The following EFCAB11 variants were observed in gnomAD, a reference collection of about 807,000 sequenced individuals.
The protein encoded by EFCAB11 is EF-hand calcium-binding domain-containing protein 11.
EFCAB11 carries 14 observed loss-of-function variants against 23.0 expected under a neutral mutation model. That is an observed-to-expected ratio of 0.61 (90% CI 0.40 to 0.95). EFCAB11 has a LOEUF of 0.95. Among genes scored for constraint, EFCAB11 ranks in the 40% least tolerant of loss-of-function variants. The pLI is 0.00. For missense variants in EFCAB11, 198 were observed against 195.8 expected, an observed-to-expected ratio of 1.01 and a Z score of -0.07; for synonymous variants, 65 against 66.6, an observed-to-expected ratio of 0.98 and a Z score of 0.11.
chr14:89,897,293 C>T (rs558141401), intron 5 of EFCAB11, among the ~76,000 whole-genome samples: 1 of 151,214 alleles, frequency 6.6e-6, no homozygotes, highest in Non-Finnish European at 1.5e-5. Flanking sequence ...CTGCAACCTC[C>T]GCCTCCAGGG....
At chr14:89,813,925 C>T (rs1169409921) in intron 5 of EFCAB11, among the ~76,000 whole-genome samples, 1 of 152,146 alleles carries the variant, frequency 6.6e-6, no homozygotes. Context: ...GAATGCAGTT[C>T]CAGGGTGCCC....
intron 5 of EFCAB11, among the ~76,000 whole-genome samples, chr14:89,844,817 G>C (rs1015731223): frequency 3.3e-5 from 5 of 152,196 alleles, no homozygotes; most frequent in Admixed American, 6.5e-5. Context: ...TTGGCTTTGG[G>C]TATCAGCCCT....
Position 89,804,181 on chromosome 14 carries a change from C to G in EFCAB11, c.411-6857G>C, listed in dbSNP as rs192742203. Among the ~76,000 whole-genome samples the G allele has an allele frequency of 2.6e-5, 4 of 152,324 alleles. No homozygotes were observed. The East Asian group carries it at 7.7e-4, about 29-fold the overall frequency. On this transcript the variant is annotated intron_variant, in intron 5 of 5. Coordinates refer to ENST00000316738, the MANE Select transcript of EFCAB11 (RefSeq NM_145231.4). The stretch of plus-strand genomic sequence containing the variant: ...GGGGTGGCACCCCCTACCCCCCAAA[C>G]GTGGAAGCATGAAAAGGAGTGTTAA...
intron 5 of EFCAB11, among the ~76,000 whole-genome samples, chr14:89,905,630 G>A (rs1293094347): frequency 1.3e-5 from 2 of 152,190 alleles, no homozygotes; most frequent in African/African-American, 4.8e-5. Context: ...AGGGGATGTA[G>A]AAAATGCGCA....
At chr14:89,891,934 C>T (rs1024949787) in intron 5 of EFCAB11, among the ~76,000 whole-genome samples, 2 of 152,050 alleles carry the variant, frequency 1.3e-5, no homozygotes, top group Admixed American at 6.6e-5. Context: ...CGGTGGGCGC[C>T]GAGTGCTACC....
chr14:89,841,221 T>C (rs997464151), intron 5 of EFCAB11, among the ~76,000 whole-genome samples: 52 of 152,222 alleles, frequency 3.4e-4, no homozygotes, highest in African/African-American at 1.2e-3. Flanking sequence ...TGGTTTTTCG[T>C]TGGAGACATG....
intron 5 of EFCAB11, among the ~76,000 whole-genome samples, chr14:89,853,805 C>T (rs1198656372): frequency 1.3e-5 from 2 of 152,054 alleles, no homozygotes; most frequent in East Asian, 3.9e-4. Context: ...GTACAATCTG[C>T]AATTGTTATT....
At chr14:89,847,437 T>C (rs1856385028) in intron 5 of EFCAB11, among the ~76,000 whole-genome samples, 2 of 152,118 alleles carry the variant, frequency 1.3e-5, no homozygotes, top group African/African-American at 4.8e-5. Flanking sequence ...ATATGCACAC[T>C]GATTAAGAAT....
intron 5 of EFCAB11, among the ~76,000 whole-genome samples, chr14:89,814,089 T>C (rs1886245282): frequency 8.2e-5 from 2 of 24,292 alleles, no homozygotes; most frequent in South Asian, 3.9e-3. Flanking sequence ...AAACTAACCT[T>C]TTTTTTTTTT....
chr14:89,880,939 C>T (rs1356726737), intron 5 of EFCAB11, among the ~76,000 whole-genome samples: 1 of 152,024 alleles, frequency 6.6e-6, no homozygotes, highest in East Asian at 1.9e-4. Flanking sequence ...TCTCATCTTC[C>T]CCATCTATAA....
At chr14:89,930,114 A>G (rs1402122261) in intron 5 of EFCAB11, among the ~76,000 whole-genome samples, 1 of 152,252 alleles carries the variant, frequency 6.6e-6, no homozygotes, top group Non-Finnish European at 1.5e-5. Context: ...AAATCAGCTA[A>G]GTAATGTTTT....
intron 5 of EFCAB11, among the ~76,000 whole-genome samples, chr14:89,853,229 C>G (rs186426580): frequency 1.3e-5 from 2 of 152,242 alleles, no homozygotes; most frequent in East Asian, 3.9e-4. Flanking sequence ...AGTAGAAGTG[C>G]CTGAGCATAC....
intron 5 of EFCAB11, among the ~76,000 whole-genome samples, chr14:89,879,941 A>C (rs759589854): frequency 1.5e-4 from 23 of 152,196 alleles, no homozygotes; most frequent in Non-Finnish European, 2.6e-4. Flanking sequence ...CTCCAGAACA[A>C]ACCTGTTCTA....
intron 5 of EFCAB11, among the ~76,000 whole-genome samples, chr14:89,829,317 G>A (rs1377413459): frequency 6.6e-6 from 1 of 152,182 alleles, no homozygotes; most frequent in Admixed American, 6.5e-5. Context: ...TAAACAGTGG[G>A]CTTAATGTTG....
intron 5 of EFCAB11, among the ~76,000 whole-genome samples, chr14:89,824,739 C>CA (rs1227187632): frequency 6.6e-6 from 1 of 151,726 alleles, no homozygotes; most frequent in Non-Finnish European, 1.5e-5. Context: ...TACTGCTGAA[C>CA]AAAAAATACT....
intron 3 of EFCAB11, among the ~76,000 whole-genome samples, chr14:89,938,791 G>T (rs1439914469): frequency 6.6e-6 from 1 of 151,686 alleles, no homozygotes; most frequent in African/African-American, 2.4e-5. Flanking sequence ...GTGAGGTGGT[G>T]CCGCACCTGT....
chr14:89,804,204 TA>T (rs1224277921), intron 5 of EFCAB11, among the ~76,000 whole-genome samples: 2 of 152,342 alleles, frequency 1.3e-5, no homozygotes, highest in East Asian at 3.9e-4. Context: ...AAAGGAGTGT[TA>T]AGGCCTTCTT....
At chr14:89,820,325 G>C (rs1321169637) in intron 5 of EFCAB11, among the ~76,000 whole-genome samples, 1 of 152,044 alleles carries the variant, frequency 6.6e-6, no homozygotes, top group Non-Finnish European at 1.5e-5. Flanking sequence ...CCACCAAAGA[G>C]ACAAAGAAAC....
At chr14:89,839,807 G>A (rs568339608) in intron 5 of EFCAB11, among the ~76,000 whole-genome samples, 5 of 151,196 alleles carry the variant, frequency 3.3e-5, no homozygotes, top group African/African-American at 4.9e-5. Flanking sequence ...AGAGAGGAAG[G>A]GGGGAGGTGC....
Sources: allele counts gnomAD v4.1 joint callset (sites outside exome capture counted in the v4.1 genomes callset), GRCh38; gene constraint gnomAD v4.1.1; transcripts MANE v1.5; gene names NCBI Gene and HGNC (gene_info 2026-07-23, HGNC 2026-07-21).